ST6GALNAC3: variants seen among roughly 807,000 people sequenced by gnomAD.
ST6GALNAC3 encodes ST6 N-acetylgalactosaminide alpha-2,6-sialyltransferase 3.
In ST6GALNAC3, 25 loss-of-function variants were observed where a neutral mutation model predicts 32.7. The observed-to-expected ratio is 0.76, with a 90% confidence interval of 0.56 to 1.07. The LOEUF is 1.07. ST6GALNAC3 is among the 50% of genes least tolerant of loss of function. The pLI is 0.00. For missense variants in ST6GALNAC3, 355 were observed against 382.4 expected (o/e 0.93, Z 0.60); for synonymous variants, 129 against 133.1 (o/e 0.97, Z 0.21).
chr1:76,081,305 A>C (rs1214580010), intron 1 of ST6GALNAC3, among the ~76,000 whole-genome samples: 2 of 151,384 alleles, frequency 1.3e-5, no homozygotes, highest in Non-Finnish European at 2.9e-5. Context: ...AAAAAAAAAA[A>C]GCAAATCGCA....
At chr1:76,486,177 G>A (rs1660098259) in intron 3 of ST6GALNAC3, among the ~76,000 whole-genome samples, 1 of 152,198 alleles carries the variant, frequency 6.6e-6, no homozygotes, top group African/African-American at 2.4e-5. Context: ...GTGCGATGTG[G>A]TGATGAGAAG....
At chr1:76,180,876 G>A (rs369271809) in intron 1 of ST6GALNAC3, among the ~76,000 whole-genome samples, 1 of 152,176 alleles carries the variant, frequency 6.6e-6, no homozygotes, top group African/African-American at 2.4e-5. Context: ...TGTGTGACCC[G>A]GTTCTTCCAG....
intron 3 of ST6GALNAC3, among the ~76,000 whole-genome samples, chr1:76,560,677 G>T (rs1330770725): frequency 1.3e-5 from 2 of 152,150 alleles, no homozygotes; most frequent in African/African-American, 4.8e-5. Context: ...CAAAAGACAG[G>T]CAATTGCAAA....
intron 3 of ST6GALNAC3, among the ~76,000 whole-genome samples, chr1:76,502,134 A>G (rs970328062): frequency 2.0e-5 from 3 of 152,210 alleles, no homozygotes; most frequent in African/African-American, 7.2e-5. Context: ...CTCATGGGCC[A>G]TAGCTCTGTC....
chr1:76,167,973 T>C (rs182457095), intron 1 of ST6GALNAC3, among the ~76,000 whole-genome samples: 13 of 152,218 alleles, frequency 8.5e-5, no homozygotes, highest in Admixed American at 7.9e-4. Flanking sequence ...TGATTTTTCA[T>C]GTCTCAATTT....
Position 76,630,380 on chromosome 1 carries a change from A to G in ST6GALNAC3, c.*1574A>G. On this transcript the variant is annotated 3_prime_UTR_variant, in exon 5 of 5. Coordinates refer to ENST00000328299, the MANE Select transcript of ST6GALNAC3 (RefSeq NM_152996.4). The stretch of plus-strand genomic sequence containing the variant: ...GGGAAAAAATGAAAAAGCAGGGACA[A>G]CAGGAGGAAATGAAGGCAGAGAAAT... The G allele has an allele frequency of 1.0e-6, 1 of 985,264 alleles. No homozygotes were observed. The highest frequency in any genetic ancestry group is 1.2e-6 in the Non-Finnish European group (1 of 829,842). 61.0% of individuals were successfully genotyped at this position (985,264 alleles called of 1,614,324 possible).
At chr1:76,378,135 G>T (rs1409784066) in intron 2 of ST6GALNAC3, among the ~76,000 whole-genome samples, 2 of 152,132 alleles carry the variant, frequency 1.3e-5, no homozygotes, top group South Asian at 4.1e-4. Context: ...GGTATGTGAA[G>T]TAGCAGTTTG....
chr1:76,357,599 C>T (rs568309641), intron 2 of ST6GALNAC3, among the ~76,000 whole-genome samples: 1 of 152,292 alleles, frequency 6.6e-6, no homozygotes, highest in South Asian at 2.1e-4. Flanking sequence ...ATCACCTCCT[C>T]TTTAGAATGT....
At chr1:76,627,825 G>C (rs940924839) in intron 4 of ST6GALNAC3, among the ~76,000 whole-genome samples, 4 of 151,882 alleles carry the variant, frequency 2.6e-5, no homozygotes, top group Non-Finnish European at 5.9e-5. Context: ...CTTTTGGCTT[G>C]AAAATACAGA....
chr1:76,092,640 G>A (rs1647064646), intron 1 of ST6GALNAC3, among the ~76,000 whole-genome samples: 1 of 152,204 alleles, frequency 6.6e-6, no homozygotes. Flanking sequence ...AGGACCCCAT[G>A]CTTAGAAGGG....
At chr1:76,428,919 T>C (rs1004665585) in intron 3 of ST6GALNAC3, among the ~76,000 whole-genome samples, 2 of 152,122 alleles carry the variant, frequency 1.3e-5, no homozygotes, top group African/African-American at 2.4e-5. Flanking sequence ...TCATATAATA[T>C]GAGTTTTGAA....
chr1:76,299,542 A>G (rs1477269375), intron 1 of ST6GALNAC3, among the ~76,000 whole-genome samples: 1 of 152,008 alleles, frequency 6.6e-6, no homozygotes, highest in African/African-American at 2.4e-5. Context: ...TAATTCTGCA[A>G]AAGAGAAATT....
intron 2 of ST6GALNAC3, among the ~76,000 whole-genome samples, chr1:76,404,319 AGGT>A (rs1653657662): frequency 6.6e-6 from 1 of 152,084 alleles, no homozygotes; most frequent in Non-Finnish European, 1.5e-5. Context: ...GTACATTTAC[AGGT>A]TAGCTTGGCT....
At chr1:76,595,071 G>C (rs975741531) in intron 3 of ST6GALNAC3, among the ~76,000 whole-genome samples, 1 of 152,106 alleles carries the variant, frequency 6.6e-6, no homozygotes, top group African/African-American at 2.4e-5. Context: ...GACCCTGGCC[G>C]AGCAATGGAT....
In ST6GALNAC3 at chr1:76,158,011, A is replaced by G. The variant is rs540674402; in HGVS notation, c.18+83127A>G. 3.5e-4 allele frequency among the ~76,000 whole-genome samples: 54 copies of G among 152,354 alleles called. 1 individual carries two copies. The highest frequency in any genetic ancestry group is 1.2e-3 in the African/African-American group (49 of 41,582). On this transcript the variant is annotated intron_variant, in intron 1 of 4. Coordinates refer to ENST00000328299, the MANE Select transcript of ST6GALNAC3 (RefSeq NM_152996.4). ...CAACCCAAGTCTCTGATGTTAAAAC[A>G]GGAACTCTGAAACTCCCCACTATGC...
chr1:76,120,698 C>T (rs1042891546), intron 1 of ST6GALNAC3, among the ~76,000 whole-genome samples: 4 of 152,160 alleles, frequency 2.6e-5, no homozygotes, highest in East Asian at 3.8e-4. Flanking sequence ...AAATCCAGCA[C>T]GACCTAAACA....
At chr1:76,296,070 A>G (rs78377564) in intron 1 of ST6GALNAC3, among the ~76,000 whole-genome samples, 5,597 of 152,068 alleles carry the variant, frequency 0.037, 337 homozygotes, top group African/African-American at 0.13. Context: ...TATTTCTTTC[A>G]ATCCTCATTT....
intron 1 of ST6GALNAC3, among the ~76,000 whole-genome samples, chr1:76,097,288 G>A (rs1284134900): frequency 2.6e-5 from 4 of 152,138 alleles, no homozygotes; most frequent in African/African-American, 9.7e-5. Flanking sequence ...ATCTTGAATT[G>A]AAGTTCCTAT....
chr1:76,218,488 T>C (rs529183173), intron 1 of ST6GALNAC3, among the ~76,000 whole-genome samples: 2 of 152,346 alleles, frequency 1.3e-5, no homozygotes, highest in Admixed American at 1.3e-4. Context: ...AGGATAACTA[T>C]ATCTACTGTA....
Sources: allele counts gnomAD v4.1 joint callset (sites outside exome capture counted in the v4.1 genomes callset), GRCh38; gene constraint gnomAD v4.1.1; transcripts MANE v1.5; gene names NCBI Gene and HGNC (gene_info 2026-07-23, HGNC 2026-07-21).